The following FBRS variants were observed in gnomAD, a reference collection of about 807,000 sequenced individuals.
FBRS encodes the protein fibrosin, also known as probable fibrosin-1.
FBRS carries 15 observed loss-of-function variants against 86.1 expected under a neutral mutation model. The observed-to-expected ratio is 0.17, with a 90% CI of 0.12 to 0.27. The LOEUF (loss-of-function observed/expected upper bound fraction) is 0.27, where lower values mean the gene tolerates loss of function less well. Among genes scored for constraint, FBRS ranks in the 10% least tolerant of loss-of-function variants. The pLI is 1.00. For synonymous variants in FBRS, 666 were observed against 575.8 expected (o/e 1.16, Z -2.24); for missense variants, 1,367 against 1,301.6 (o/e 1.05, Z -0.77).
intron 4 of FBRS, among the ~76,000 whole-genome samples, chr16:30,661,544 G>C (rs1250201664): frequency 6.6e-6 from 1 of 152,138 alleles, no homozygotes; most frequent in African/African-American, 2.4e-5. Flanking sequence ...AGCTGACCAA[G>C]GAATGGAGGG....
At position 30,669,620 on chromosome 16, in the gene FBRS, C is replaced by G. The variant is rs1474507374; in HGVS notation, c.2918C>G (p.Pro973Arg). ...CGGCCCAGTTCCCCACCTAGGGGCC[C>G]TGGCCCAGCTCGGGCTGACAGGTGA... ...APRPSSPPRG[P>R]GPARADR The change falls in exon 18 of 18, where the codon CCT becomes CGT. Residue 973 changes from proline (P) to arginine (R), a missense_variant. This residue lies in a region of FBRS where 659 missense variants were observed against 678.8 expected (regional missense o/e 0.97). Transcript: ENST00000356166. This position sits in a 1 kb window ranked among gnomAD's most constrained non-coding sequence, Gnocchi z 5.9. 1.9e-6 allele frequency: 3 copies of G among 1,604,692 alleles called. No individual in the cohort carries two copies. Among genetic ancestry groups the G allele is most frequent in the Non-Finnish European group, 2.5e-6 (3 of 1,177,094 alleles).
Position 30,665,991 on chromosome 16 carries a change from C to A in FBRS, c.1773+285C>A. The A allele has an allele frequency of 2.1e-6, 1 of 469,676 alleles. No homozygotes were observed. Among genetic ancestry groups the A allele is most frequent in the African/African-American group, 2.0e-5 (1 of 50,004 alleles). The allele number at this position is 469,676 out of a possible 1,614,324, so 29.1% of individuals were successfully genotyped here. ...AAAACACTTTTTTTCCAAATGACAT[C>A]ATACCAGGAAGCCCTGTTCGGAAAA... On this transcript the variant is annotated intron_variant, in intron 11 of 17. Transcript: ENST00000356166. The surrounding 1 kb of genome is among the most constrained non-coding windows in gnomAD (Gnocchi z 4.1).
Position 30,662,686 on chromosome 16 carries a change from C to T in FBRS, c.882C>T (p.Pro294=). 1.3e-6 allele frequency: 2 copies of T among 1,549,298 alleles called. No individual in the cohort carries two copies. The highest frequency in any genetic ancestry group is 1.7e-6 in the Non-Finnish European group (2 of 1,146,202). Residue 294 remains proline (P), a synonymous_variant, in exon 6 of 18, where the codon CCC becomes CCT. Transcript: ENST00000356166. ...PGPDPLLVPF[P]PKEPPPPPVP... Reference sequence around the variant, plus strand: ...CCGACCCGCTGCTAGTGCCTTTCCCCCCAAAGGAACCACCGCCTCCACCGG... The same window carrying T: ...CCGACCCGCTGCTAGTGCCTTTCCCTCCAAAGGAACCACCGCCTCCACCGG...
chr16:30,663,817 C>T (rs1253884553), intron 6 of FBRS, among the ~76,000 whole-genome samples: 1 of 152,176 alleles, frequency 6.6e-6, no homozygotes, highest in Non-Finnish European at 1.5e-5. Context: ...GCAAGATGGG[C>T]CTAGAATTCA....
chr16:30,660,512 C>T (rs898015808), intron 2 of FBRS, 70 bp downstream of exon 2: 50 of 1,257,066 alleles, frequency 4.0e-5, no homozygotes, highest in Middle Eastern at 2.1e-4. Flanking sequence ...TCAGCAACGC[C>T]ACTGCCCCTT....
chr16:30,668,957 A>C lies in FBRS; in HGVS notation c.2344A>C (p.Ile782Leu). 1 of 1,584,424 alleles carries C rather than the reference A, an allele frequency of 6.3e-7. No individual in the cohort carries two copies. Among genetic ancestry groups the C allele is most frequent in the Non-Finnish European group, 8.6e-7 (1 of 1,167,716 alleles). Reference protein sequence around the residue: ...ERPVERREPSITKEEKDRDLP... With the variant: ...ERPVERREPSLTKEEKDRDLP... ...GCCTGTGGAGCGGAGGGAGCCCTCC[A>C]TCACCAAGGAGGAGAAGGACAGGTG... The change falls in exon 17 of 18, where the codon ATC (isoleucine) becomes CTC (leucine). Residue 782 changes from isoleucine (I) to leucine (L), a missense_variant. Physicochemically the swap from Ile to Leu is conservative, Grantham distance 5 (BLOSUM62 2). Coordinates refer to ENST00000356166, the MANE Select transcript of FBRS (RefSeq NM_001105079.3).
intron 6 of FBRS, among the ~76,000 whole-genome samples, chr16:30,663,605 G>T (rs1177885570): frequency 6.6e-6 from 1 of 152,184 alleles, no homozygotes; most frequent in Non-Finnish European, 1.5e-5. Context: ...GGGGAAGGTG[G>T]CGTGGAATGT....
At chr16:30,668,713 G>C (rs1272029326) in intron 16 of FBRS, 59 bp from the exon 17 acceptor site, 1 of 1,585,048 alleles carries the variant, frequency 6.3e-7, no homozygotes, top group African/African-American at 1.3e-5. Context: ...CTGGGAGGAG[G>C]CCTGAACAGG....
intron 2 of FBRS, 187 bp downstream of exon 2, chr16:30,660,629 T>A (rs1214615782): frequency 2.1e-6 from 2 of 963,458 alleles, no homozygotes; most frequent in East Asian, 6.5e-5. Flanking sequence ...GTGCACCTCC[T>A]TTTGCCTGGT....
At position 30,659,705 on chromosome 16, in the gene FBRS, C is replaced by T. The variant is rs960871255; in HGVS notation, c.187C>T (p.Pro63Ser). The T allele has an allele frequency of 8.7e-6, 9 of 1,032,620 alleles. No homozygotes were observed. In the Admixed American group the frequency reaches 1.7e-4, roughly 19 times the overall value. The allele number at this position is 1,032,620 out of a possible 1,614,324, so 64.0% of individuals were successfully genotyped here. ...GSSSSSSPPP[P>S]ARPWSSASSG... ...CTCGTCCTCGTCGTCGCCGCCGCCG[C>T]CCGCCAGGCCTTGGTCGTCAGCTTC... The change falls in exon 1 of 18, where the codon CCC becomes TCC. Residue 63 changes from proline (P) to serine (S), a missense_variant. By Grantham distance (74) the Pro-to-Ser change is moderately conservative. Around this residue, in one of 3 missense-constraint regions of FBRS, gnomAD observed 702 missense variants for 598.7 expected, o/e 1.17. Coordinates refer to ENST00000356166, the MANE Select transcript of FBRS (RefSeq NM_001105079.3).
In FBRS at chr16:30,664,933, T is replaced by A. The variant is rs777284808; in HGVS notation, c.1563+13T>A. 2 of 1,610,034 alleles carry A rather than the reference T, an allele frequency of 1.2e-6. No homozygotes were observed. The highest frequency in any genetic ancestry group is 2.2e-5 in the East Asian group (1 of 44,772). On this transcript the variant is annotated intron_variant, in intron 8 of 17. Transcript: ENST00000356166. ...CGGCCCCCACATGGTGAGCTCCTCA[T>A]TGGGCTGGCGATGAGGCTCGGAGGC...
intron 4 of FBRS, 82 bp downstream of exon 4, chr16:30,661,415 A>C (rs1187148686): frequency 4.5e-6 from 7 of 1,549,178 alleles, no homozygotes; most frequent in Admixed American, 2.0e-5. Context: ...CGTGCAGCAG[A>C]CAGCCTTCCC....
Position 30,659,221 on chromosome 16 carries a change from G to C in FBRS, c.-298G>C, listed in dbSNP as rs2052422640. The C allele has an allele frequency of 6.3e-6, 1 of 157,934 alleles. No homozygotes were observed. Among genetic ancestry groups the C allele is most frequent in the South Asian group, 2.1e-4 (1 of 4,876 alleles). 9.8% of individuals were successfully genotyped at this position (157,934 alleles called of 1,614,324 possible). On this transcript the variant is annotated 5_prime_UTR_variant, in exon 1 of 18. Transcript: ENST00000356166. ...CCGGACACTGTCGGGTCGTCTTAAA[G>C]GGGCCGGGAGCTGGACAACTTGGGG...
Position 30,665,565 on chromosome 16 carries a change from C to A in FBRS, c.1705-73C>A. 6.6e-7 allele frequency: 1 copy of A among 1,512,902 alleles called. No individual in the cohort carries two copies. The allele number at this position is 1,512,902 out of a possible 1,614,324, so 93.7% of individuals were successfully genotyped here. On this transcript the variant is annotated intron_variant, in intron 10 of 17. Transcript: ENST00000356166. The surrounding 1 kb of genome is among the most constrained non-coding windows in gnomAD (Gnocchi z 4.1). ...GCCATGATCCCTCCCTGCCCAGTGT[C>A]CCAGCTTGGTTCTGGATCCCTTTGT...
Position 30,669,796 on chromosome 16 carries a change from C to A in FBRS, c.*151C>A. On this transcript the variant is annotated 3_prime_UTR_variant, in exon 18 of 18. Coordinates refer to ENST00000356166, the MANE Select transcript of FBRS (RefSeq NM_001105079.3). This position sits in a 1 kb window ranked among gnomAD's most constrained non-coding sequence, Gnocchi z 5.9. ...GGAACCTGGGAACAGAAGCCTCAAC[C>A]CCCACAAGACCAAGCATCACATGGA... The A allele has an allele frequency of 1.0e-6, 1 of 962,838 alleles. No individual in the cohort carries two copies. Among genetic ancestry groups the A allele is most frequent in the Non-Finnish European group, 1.5e-6 (1 of 668,554 alleles). 59.6% of individuals were successfully genotyped at this position (962,838 alleles called of 1,614,324 possible).
intron 4 of FBRS, 198 bp from the exon 5 acceptor site, chr16:30,662,222 T>C: frequency 1.3e-6 from 1 of 779,306 alleles, no homozygotes. Context: ...ATCGGATTCT[T>C]GGGGTCAGCT....
Position 30,665,356 on chromosome 16 carries a change from G to A in FBRS, c.1659G>A (p.Pro553=), listed in dbSNP as rs766022244. ...TGCCCGGGCTGCCTCCGGGCCTCCC[G>A]CCGGCCGTCTCCTTTGGCTCCCTGC... ...PAVPGLPPGL[P]PAVSFGSLQG... Residue 553 remains proline, a synonymous_variant, in exon 10 of 18, where the codon CCG becomes CCA. Transcript: ENST00000356166. This position sits in a 1 kb window ranked among gnomAD's most constrained non-coding sequence, Gnocchi z 4.1. The A allele has an allele frequency of 1.4e-5, 22 of 1,571,268 alleles. No homozygotes were observed. Among genetic ancestry groups the A allele is most frequent in the East Asian group, 2.4e-5 (1 of 42,352 alleles).
rs1401959407 is a variant in FBRS at position 30,662,776 on chromosome 16, C to T, written c.972C>T (p.Pro324=). 6.6e-7 allele frequency: 1 copy of T among 1,506,332 alleles called. No homozygotes were observed. The highest frequency in any genetic ancestry group is 2.2e-5 in the Admixed American group (1 of 45,056). 93.3% of individuals were successfully genotyped at this position (1,506,332 alleles called of 1,614,324 possible). The part of the protein sequence containing the change: ...LPATPSLPPP[P]QPQLQLRVSP... ...CCACTCCCAGTCTGCCACCCCCACC[C>T]CAGCCCCAGCTGCAGCTTCGGGTCT... The change falls in exon 6 of 18, where the codon CCC becomes CCT. Residue 324 remains proline, a synonymous_variant. Transcript: ENST00000356166.
In FBRS at chr16:30,665,207, C is replaced by T; in HGVS notation, c.1609-99C>T. ...AAGAGCCTTGAGCCTGGGACAGCTC[C>T]CTGGGGGGCTTTAGGGTGGAGGCCC... On this transcript the variant is annotated intron_variant, in intron 9 of 17. Coordinates refer to ENST00000356166, the MANE Select transcript of FBRS (RefSeq NM_001105079.3). The surrounding 1 kb of genome is among the most constrained non-coding windows in gnomAD (Gnocchi z 4.1). 1 of 1,512,600 alleles carries T rather than the reference C, an allele frequency of 6.6e-7. No homozygotes were observed. 93.7% of individuals were successfully genotyped at this position (1,512,600 alleles called of 1,614,324 possible). A position where few individuals can be genotyped will look rare whatever the true frequency, so the allele number is the denominator to read the frequency against.
Sources: gnomAD v4.1 joint callset for allele counts (sites outside exome capture counted in the v4.1 genomes callset) on GRCh38, gnomAD v4.1.1 for gene constraint, gnomAD v4.1.1 regional missense constraint, Gnocchi (gnomAD v3.1) non-coding constraint, MANE v1.5 for transcripts, NCBI Gene and HGNC (gene_info 2026-07-23, HGNC 2026-07-21) for gene names.